The following TUBGCP4 variants were observed in gnomAD, a reference collection of about 807,000 sequenced individuals.
TUBGCP4 encodes tubulin gamma complex component 4, also known as gamma-tubulin complex component 4.
TUBGCP4 carries 54 observed loss-of-function variants against 91.6 expected under a neutral mutation model. The observed-to-expected ratio is 0.59, with a 90% confidence interval of 0.47 to 0.74. TUBGCP4 has a LOEUF of 0.74. TUBGCP4 is among the 30% of genes least tolerant of loss of function. TUBGCP4 has a pLI of 0.00. For synonymous variants in TUBGCP4, 297 were observed against 302.8 expected (o/e 0.98, Z 0.20); for missense variants, 593 against 800.9 (o/e 0.74, Z 3.13).
At position 43,376,989 on chromosome 15, in the gene TUBGCP4, C is replaced by T. The variant is rs375744584; in HGVS notation, c.331-25C>T. ...GATTTGAGATATTTTGTGTGGAGCT[C>T]TAATCACAAAGTTTTTTATTGCAGT... On this transcript the variant is annotated intron_variant, in intron 3 of 17. Coordinates refer to ENST00000564079, the MANE Select transcript of TUBGCP4 (RefSeq NM_014444.5). The T allele has an allele frequency of 3.1e-6, 5 of 1,596,210 alleles. No individual in the cohort carries two copies. In the African/African-American group the frequency reaches 6.7e-5, roughly 21 times the overall value.
At chr15:43,378,890 T>C (rs1362728903) in intron 5 of TUBGCP4, among the ~76,000 whole-genome samples, 6 of 152,268 alleles carry the variant, frequency 3.9e-5, no homozygotes, top group Non-Finnish European at 8.8e-5. Context: ...CAGCTCTATC[T>C]GGCTCCAAAG....
intron 16 of TUBGCP4, chr15:43,404,105 A>G (rs1278842821): frequency 4.0e-6 from 2 of 505,742 alleles, no homozygotes; most frequent in African/African-American, 3.8e-5. Context: ...CCCCCATCTC[A>G]CTGAGATAAT....
rs897242719 is a variant in TUBGCP4, at chr15:43,406,918, TC to T, written c.*1705del. 1.2e-5 allele frequency: 3 copies of T among 242,498 alleles called. No individual in the cohort carries two copies. Among genetic ancestry groups the T allele is most frequent in the African/African-American group, 6.9e-5 (3 of 43,786 alleles). 15.0% of individuals were successfully genotyped at this position (242,498 alleles called of 1,614,324 possible). On this transcript the variant is annotated 3_prime_UTR_variant, in exon 18 of 18. Transcript: ENST00000564079. ...CTCAGCTCAGAGAGAGAGCATGAGG[TC>T]TTTTTTAACTGTCAGGAAACAGAGC...
chr15:43,371,207 G>A lies in TUBGCP4; in HGVS notation c.-148G>A, dbSNP rs941280942. On this transcript the variant is annotated 5_prime_UTR_variant, in exon 1 of 18. Transcript: ENST00000564079. ...CCAGCTTCCCGTCCGCTCCGCCGCA[G>A]CGATTGTCTCGGTGGGTTGATTCGG... The A allele has an allele frequency of 5.2e-6, 4 of 769,658 alleles. No homozygotes were observed. In the Middle Eastern group the frequency reaches 9.2e-4, roughly 176 times the overall value. The allele number at this position is 769,658 out of a possible 1,614,324, so 47.7% of individuals were successfully genotyped here. A position where few individuals can be genotyped will look rare whatever the true frequency, so the allele number is the denominator to read the frequency against.
At chr15:43,397,864 A>G (rs927216528) in intron 12 of TUBGCP4, among the ~76,000 whole-genome samples, 177 bp from the exon 13 acceptor site, 1 of 152,118 alleles carries the variant, frequency 6.6e-6, no homozygotes, top group Non-Finnish European at 1.5e-5. Flanking sequence ...AGTGCGTGCC[A>G]CCATGCCCAG....
Position 43,403,477 on chromosome 15 carries a change from G to A in TUBGCP4, c.1732-206G>A, listed in dbSNP as rs926849182. ...GTGCAGGGCTAAGAGAGTAATACTCGCTTAGCCAGGAAAGGATGCATTTGT... is the reference window on the plus strand; with the variant it reads ...GTGCAGGGCTAAGAGAGTAATACTCACTTAGCCAGGAAAGGATGCATTTGT... On this transcript the variant is annotated intron_variant, in intron 15 of 17. Coordinates refer to ENST00000564079, the MANE Select transcript of TUBGCP4 (RefSeq NM_014444.5). The A allele has an allele frequency of 2.1e-5, 11 of 514,218 alleles. 1 individual carries two copies. Among genetic ancestry groups the A allele is most frequent in the Middle Eastern group, 5.2e-4 (1 of 1,930 alleles). 31.9% of individuals were successfully genotyped at this position (514,218 alleles called of 1,614,324 possible).
intron 9 of TUBGCP4, chr15:43,394,216 T>TG (rs1371074160): frequency 6.6e-6 from 1 of 152,004 alleles, no homozygotes; most frequent in African/African-American, 2.4e-5. Flanking sequence ...CCCAAGTAGC[T>TG]GGGACTACAG....
intron 14 of TUBGCP4, 68 bp downstream of exon 14, chr15:43,400,289 T>G: frequency 7.3e-7 from 1 of 1,367,680 alleles, no homozygotes; most frequent in Admixed American, 1.8e-5. Context: ...CAGGGAGTAT[T>G]GAATAGGGAC....
intron 6 of TUBGCP4, among the ~76,000 whole-genome samples, chr15:43,380,712 G>C (rs2044273638): frequency 6.6e-6 from 1 of 152,098 alleles, no homozygotes; most frequent in African/African-American, 2.4e-5. Context: ...TCACTTGATA[G>C]ACTATAAAGC....
chr15:43,399,502 A>C (rs1442011454), intron 13 of TUBGCP4, among the ~76,000 whole-genome samples: 1 of 152,050 alleles, frequency 6.6e-6, no homozygotes, highest in Non-Finnish European at 1.5e-5. Context: ...GCACCACCAC[A>C]CCTGGCTAAT....
intron 9 of TUBGCP4, chr15:43,394,860 G>A (rs1386520169): frequency 1.4e-5 from 7 of 485,194 alleles, no homozygotes; most frequent in East Asian, 7.5e-5. Context: ...TGAAGCCACC[G>A]TGCTTCCTGT....
In TUBGCP4 at chr15:43,409,322, A is replaced by C; in HGVS notation, c.*4108A>C. The C allele has an allele frequency of 1.7e-6, 1 of 590,280 alleles. No individual in the cohort carries two copies. 36.6% of individuals were successfully genotyped at this position (590,280 alleles called of 1,614,324 possible). Reference sequence around the variant, plus strand: ...CAGCATACTGAGGACCTAAATCCTCAACGGACAACCAAAACCTATGAACTC... The same window carrying C: ...CAGCATACTGAGGACCTAAATCCTCCACGGACAACCAAAACCTATGAACTC... On this transcript the variant is annotated 3_prime_UTR_variant, in exon 18 of 18. Transcript: ENST00000564079.
intron 1 of TUBGCP4, among the ~76,000 whole-genome samples, 173 bp downstream of exon 1, chr15:43,371,605 AG>A (rs2044123598): frequency 1.3e-5 from 2 of 152,114 alleles, no homozygotes; most frequent in South Asian, 2.1e-4. Context: ...TGCGACACCT[AG>A]AGAGGCCGGG....
At chr15:43,383,629 A>G (rs1025897926) in intron 7 of TUBGCP4, 125 bp downstream of exon 7, 1 of 736,380 alleles carries the variant, frequency 1.4e-6, no homozygotes, top group Non-Finnish European at 2.1e-6. Flanking sequence ...CTTTCGATGT[A>G]AACATTCGGC....
intron 11 of TUBGCP4, among the ~76,000 whole-genome samples, chr15:43,396,183 A>G (rs1348983126): frequency 6.6e-6 from 1 of 152,234 alleles, no homozygotes; most frequent in Non-Finnish European, 1.5e-5. Flanking sequence ...CCTTCTGGAA[A>G]CATGATCACA....
At chr15:43,403,487 G>GA in intron 15 of TUBGCP4, 196 bp from the exon 16 acceptor site, 1 of 542,200 alleles carries the variant, frequency 1.8e-6, no homozygotes, top group Non-Finnish European at 3.3e-6. Context: ...GCTTAGCCAG[G>GA]AAAGGATGCA....
Position 43,376,152 on chromosome 15 carries a change from C to G in TUBGCP4, c.133C>G (p.Leu45Val), listed in dbSNP as rs1389184283. The G allele has an allele frequency of 2.5e-6, 4 of 1,614,060 alleles. No homozygotes were observed. The highest frequency in any genetic ancestry group is 3.4e-6 in the Non-Finnish European group (4 of 1,180,052). ...CAGTGAGACCAGTGTCCTGAATCGA[C>G]TCTGCCGGCTCGGCACAGACTATAT... ...HPSETSVLNR[L>V]CRLGTDYIRF... is the part of the protein sequence containing the mutation. Residue 45 changes from leucine to valine, a missense_variant, in exon 2 of 18, where the codon CTC becomes GTC. Coordinates refer to ENST00000564079, the MANE Select transcript of TUBGCP4 (RefSeq NM_014444.5).
rs748032531 is a variant in TUBGCP4 at position 43,409,618 on chromosome 15, A to AT, written c.*4405dup. On this transcript the variant is annotated 3_prime_UTR_variant, in exon 18 of 18. Transcript: ENST00000564079. The stretch of plus-strand genomic sequence containing the variant: ...CAAGTTGGCTCTTATCATTGCCACT[A>AT]TATTAGGTTACACAAAGAAACTCCT... 3.1e-6 allele frequency: 4 copies of AT among 1,287,440 alleles called. No homozygotes were observed. In the Admixed American group the frequency reaches 9.2e-5, roughly 30 times the overall value. The allele number at this position is 1,287,440 out of a possible 1,614,324, so 79.8% of individuals were successfully genotyped here. A position where few individuals can be genotyped will look rare whatever the true frequency, so the allele number is the denominator to read the frequency against.
chr15:43,378,246 A>C (rs1403969941), intron 5 of TUBGCP4, among the ~76,000 whole-genome samples: 1 of 152,202 alleles, frequency 6.6e-6, no homozygotes, highest in Admixed American at 6.5e-5. Context: ...ATTCTTAGGA[A>C]GAAGGTAATA....
Sources: allele counts gnomAD v4.1 joint callset (sites outside exome capture counted in the v4.1 genomes callset), GRCh38; gene constraint gnomAD v4.1.1; transcripts MANE v1.5; gene names NCBI Gene and HGNC (gene_info 2026-07-23, HGNC 2026-07-21).